The following ZNF469 variants were observed in gnomAD, a reference collection of about 807,000 sequenced individuals.
The protein encoded by ZNF469 is zinc finger protein 469.
A neutral mutation model predicts 1.0 loss-of-function variants in ZNF469; 1 was observed. That is an observed-to-expected ratio of 1.00 (90% CI 0.35 to 4.73). The LOEUF (loss-of-function observed/expected upper bound fraction) is 4.73, where lower values mean the gene tolerates loss of function less well. Among genes scored for constraint, ZNF469 ranks in the 30% most tolerant of loss-of-function variants. The probability of loss-of-function intolerance (pLI) is 0.16; values close to 1 mark genes in which losing one functional copy is unlikely to be tolerated. For missense variants in ZNF469, 6,100 were observed against 5,356.3 expected (o/e 1.14, Z -4.33); for synonymous variants, 2,703 against 2,363.4 (o/e 1.14, Z -4.17).
chr16:88,184,471 C>T, the ZNF469 span, among the ~76,000 whole-genome samples: 3 of 151,882 alleles, frequency 2.0e-5, no homozygotes, highest in African/African-American at 4.8e-5. Flanking sequence ...ACATCGTCTT[C>T]GTTTCCTCTG....
rs901871782 is a variant in ZNF469, at chr16:88,438,449, G to C, written c.10979G>C (p.Gly3660Ala). Residue 3660 changes from glycine to alanine, a missense_variant, in exon 3 of 3, where the codon GGG becomes GCG. Physicochemically the swap from Gly to Ala is moderately conservative, Grantham distance 60. Coordinates refer to ENST00000565624, the MANE Select transcript of ZNF469 (RefSeq NM_001367624.2). Reference protein sequence around the residue: ...VSSSHMVSEGGPRGAFHKGSA... With the variant: ...VSSSHMVSEGAPRGAFHKGSA... ...TCAAGCCACATGGTGTCTGAGGGGGGGCCCCGAGGCGCCTTCCACAAGGGC... is the reference window on the plus strand; with the variant it reads ...TCAAGCCACATGGTGTCTGAGGGGGCGCCCCGAGGCGCCTTCCACAAGGGC... 1 of 1,550,152 alleles carries C rather than the reference G, an allele frequency of 6.5e-7. No individual in the cohort carries two copies. The highest frequency in any genetic ancestry group is 8.7e-7 in the Non-Finnish European group (1 of 1,146,964).
At chr16:88,215,319 A>G in the ZNF469 span, among the ~76,000 whole-genome samples, 2 of 150,174 alleles carry the variant, frequency 1.3e-5, no homozygotes, top group East Asian at 3.9e-4. Context: ...TTGCATTTCT[A>G]TCTACCATGC....
chr16:88,235,836 C>T, the ZNF469 span, among the ~76,000 whole-genome samples: 5 of 152,216 alleles, frequency 3.3e-5, no homozygotes, highest in Non-Finnish European at 5.9e-5. Flanking sequence ...GGTTGGGCCA[C>T]AGTGTGAGCT....
the ZNF469 span, among the ~76,000 whole-genome samples, chr16:88,331,465 TACC>T: frequency 2.1e-5 from 3 of 140,098 alleles, no homozygotes; most frequent in South Asian, 2.2e-4. Flanking sequence ...CCATCATCAC[TACC>T]ACCATCATCA....
At chr16:88,409,095 C>G (rs1421032462) in intron 1 of ZNF469, among the ~76,000 whole-genome samples, 2 of 152,196 alleles carry the variant, frequency 1.3e-5, no homozygotes, top group Non-Finnish European at 2.9e-5. Flanking sequence ...GGGGGCCCCT[C>G]TGCTGCAGGG....
intron 1 of ZNF469, among the ~76,000 whole-genome samples, chr16:88,423,372 C>A (rs540292446): frequency 1.3e-5 from 2 of 151,708 alleles, no homozygotes; most frequent in African/African-American, 4.8e-5. Context: ...CCAGTGGCTT[C>A]CTGCAGTTCT....
At chr16:88,105,058 A>T in the ZNF469 span, among the ~76,000 whole-genome samples, 2 of 152,168 alleles carry the variant, frequency 1.3e-5, no homozygotes, top group African/African-American at 4.8e-5. Flanking sequence ...TCTACAAGAA[A>T]CAATTTTAAA....
chr16:88,386,197 T>G (rs1004669483), intron 1 of ZNF469, among the ~76,000 whole-genome samples: 1 of 152,006 alleles, frequency 6.6e-6, no homozygotes, highest in Non-Finnish European at 1.5e-5. Context: ...ACCTGCAGGG[T>G]GGGGAGGAGA....
At chr16:88,288,061 C>A in the ZNF469 span, among the ~76,000 whole-genome samples, 1 of 152,264 alleles carries the variant, frequency 6.6e-6, no homozygotes, top group East Asian at 1.9e-4. Flanking sequence ...TTATCCATTT[C>A]ATCTTTGTGG....
At chr16:88,135,631 C>T in the ZNF469 span, among the ~76,000 whole-genome samples, 5 of 152,106 alleles carry the variant, frequency 3.3e-5, no homozygotes, top group African/African-American at 7.2e-5. Context: ...GGAGCACCCA[C>T]ACCCGGGGCC....
the ZNF469 span, among the ~76,000 whole-genome samples, chr16:88,135,050 C>T: frequency 2.6e-5 from 4 of 152,258 alleles, no homozygotes; most frequent in Non-Finnish European, 5.9e-5. Context: ...GTGCCTGCCT[C>T]ACCGATGAAG....
chr16:88,382,155 C>A (rs766353720), upstream of ZNF469, among the ~76,000 whole-genome samples: 6 of 152,264 alleles, frequency 3.9e-5, no homozygotes, highest in Non-Finnish European at 7.3e-5. Context: ...GCCCGTAACG[C>A]TGCACCCCTG....
Position 88,386,189 on chromosome 16 carries a change from C to T in ZNF469, c.-192+2935C>T, listed in dbSNP as rs183711401. Among the ~76,000 whole-genome samples, 355 of 152,260 alleles carry T rather than the reference C, an allele frequency of 2.3e-3. 1 individual carries two copies. The highest frequency in any genetic ancestry group is 8.1e-3 in the African/African-American group (336 of 41,564). ...ACCCTTGCTTTGGTTCATTCTAGAC[C>T]TGCAGGGTGGGGAGGAGACCTGGGA... On this transcript the variant is annotated intron_variant, in intron 1 of 2. Coordinates refer to ENST00000565624, the MANE Select transcript of ZNF469 (RefSeq NM_001367624.2).
At chr16:88,138,297 C>T in the ZNF469 span, among the ~76,000 whole-genome samples, 1 of 152,220 alleles carries the variant, frequency 6.6e-6, no homozygotes, top group Non-Finnish European at 1.5e-5. Flanking sequence ...TGTCCTAGTG[C>T]TGGGATCGGC....
At chr16:88,204,578 C>T in the ZNF469 span, among the ~76,000 whole-genome samples, 131 of 152,288 alleles carry the variant, frequency 8.6e-4, no homozygotes, top group Admixed American at 2.0e-3. Context: ...GGATTTTCTC[C>T]GACAGGAGGA....
At chr16:88,358,570 T>C in the ZNF469 span, among the ~76,000 whole-genome samples, 1 of 152,162 alleles carries the variant, frequency 6.6e-6, no homozygotes, top group African/African-American at 2.4e-5. Flanking sequence ...CTGAATTTTA[T>C]TTCCATCAGT....
intron 1 of ZNF469, among the ~76,000 whole-genome samples, chr16:88,394,424 G>A (rs961093559): frequency 3.3e-5 from 5 of 152,222 alleles, no homozygotes; most frequent in East Asian, 1.9e-4. Flanking sequence ...CGGCATAACC[G>A]CAATAGTTTC....
chr16:88,438,578 T>TGG lies in ZNF469; in HGVS notation c.11111_11112dup (p.Ser3705GlyfsTer16). 6.5e-7 allele frequency: 1 copy of TGG among 1,550,020 alleles called. No individual in the cohort carries two copies. Among genetic ancestry groups the TGG allele is most frequent in the Non-Finnish European group, 8.7e-7 (1 of 1,146,900 alleles). On this transcript the variant is annotated frameshift_variant, in exon 3 of 3. Transcript: ENST00000565624. LOFTEE classifies it low-confidence loss of function (END_TRUNC). ...TTCCCAGTGCACCCAAGGAAGGCGG[T>TGG]GGGGAGCCTGGCACCCGGGGAGCTG...
rs561239255 is a variant in ZNF469, at chr16:88,428,421, C to T, written c.951C>T (p.Ala317=). ...HQPQGAWPEE[A]VGTGPAYPLP... ...CCCAGGGAGCGTGGCCGGAGGAGGC[C>T]GTGGGCACGGGCCCTGCCTACCCGC... The change falls in exon 3 of 3, where the codon GCC becomes GCT. Residue 317 remains alanine, a synonymous_variant. Coordinates refer to ENST00000565624, the MANE Select transcript of ZNF469 (RefSeq NM_001367624.2). 3.4e-5 allele frequency: 53 copies of T among 1,548,194 alleles called. No individual in the cohort carries two copies. In the African/African-American group the frequency reaches 4.0e-4, roughly 12 times the overall value.
Sources: gnomAD v4.1 joint callset for allele counts (sites outside exome capture counted in the v4.1 genomes callset) on GRCh38, gnomAD v4.1.1 for gene constraint, MANE v1.5 for transcripts, NCBI Gene and HGNC (gene_info 2026-07-23, HGNC 2026-07-21) for gene names.